Variants in LRRTM4 observed in about 807,000 individuals in gnomAD.
LRRTM4 encodes leucine-rich repeat transmembrane neuronal protein 4.
In LRRTM4, 25 loss-of-function variants were observed where a neutral mutation model predicts 47.6. The observed-to-expected ratio is 0.53, with a 90% CI of 0.38 to 0.73. The LOEUF (loss-of-function observed/expected upper bound fraction) is 0.73, where lower values mean the gene tolerates loss of function less well. Ranked by LOEUF, LRRTM4 falls within the 30% of genes least tolerant of loss-of-function variation. LRRTM4 has a pLI of 0.00. For missense variants in LRRTM4, 638 were observed against 713.4 expected, an observed-to-expected ratio of 0.89 and a Z score of 1.20; for synonymous variants, 311 against 269.5, an observed-to-expected ratio of 1.15 and a Z score of -1.51.
intron 3 of LRRTM4, among the ~76,000 whole-genome samples, chr2:76,863,576 G>A (rs1000337331): frequency 6.6e-6 from 1 of 152,064 alleles, no homozygotes; most frequent in Non-Finnish European, 1.5e-5. Flanking sequence ...CATCAAATGT[G>A]ACATGATTTC....
chr2:76,895,419 C>T (rs1214655061), intron 3 of LRRTM4, among the ~76,000 whole-genome samples: 1 of 152,024 alleles, frequency 6.6e-6, no homozygotes, highest in Non-Finnish European at 1.5e-5. Flanking sequence ...ATCAAGCTCA[C>T]AAATGTTGTC....
chr2:77,268,366 C>T (rs1379387608), intron 3 of LRRTM4, among the ~76,000 whole-genome samples: 3 of 151,990 alleles, frequency 2.0e-5, no homozygotes, highest in Non-Finnish European at 4.4e-5. Flanking sequence ...TTTGGCCCTT[C>T]CCTCTTCATT....
Position 77,471,564 on chromosome 2 carries a change from C to T in LRRTM4, c.1551+46754G>A, listed in dbSNP as rs529217104. Among the ~76,000 whole-genome samples the T allele has an allele frequency of 2.2e-4, 33 of 152,234 alleles. No homozygotes were observed. In the Middle Eastern group the frequency reaches 0.01, roughly 47 times the overall value. ...TCTGCCCTCTTGCAACCTCTCTGATCCTCTCTCCTCCACTTTAGCCATGTG... is the reference window on the plus strand; with the variant it reads ...TCTGCCCTCTTGCAACCTCTCTGATTCTCTCTCCTCCACTTTAGCCATGTG... On this transcript the variant is annotated intron_variant, in intron 3 of 3. Coordinates refer to ENST00000409884, the MANE Select transcript of LRRTM4 (RefSeq NM_001134745.3).
chr2:77,290,420 T>C (rs1400161067), intron 3 of LRRTM4, among the ~76,000 whole-genome samples: 1 of 151,612 alleles, frequency 6.6e-6, no homozygotes, highest in Non-Finnish European at 1.5e-5. Context: ...GAGGGGAGCA[T>C]AAAGAGGAGA....
chr2:77,126,886 C>A (rs1671664960), intron 3 of LRRTM4, among the ~76,000 whole-genome samples: 1 of 152,128 alleles, frequency 6.6e-6, no homozygotes, highest in African/African-American at 2.4e-5. Flanking sequence ...ATTTACCCAC[C>A]ATTATTTTTT....
chr2:77,241,056 A>G (rs1373057111), intron 3 of LRRTM4, among the ~76,000 whole-genome samples: 1 of 152,048 alleles, frequency 6.6e-6, no homozygotes, highest in African/African-American at 2.4e-5. Context: ...TGAGAAGATG[A>G]TTCTAAATTT....
chr2:77,354,531 C>T (rs1350278145), intron 3 of LRRTM4, among the ~76,000 whole-genome samples: 2 of 151,986 alleles, frequency 1.3e-5, no homozygotes, highest in African/African-American at 4.8e-5. Context: ...CAGAAGCAAA[C>T]CTTGAAACCA....
At chr2:77,106,322 G>GT (rs1379511443) in intron 3 of LRRTM4, among the ~76,000 whole-genome samples, 1 of 152,110 alleles carries the variant, frequency 6.6e-6, no homozygotes, top group East Asian at 1.9e-4. Context: ...AGTGTGTCCT[G>GT]TTTATGTTAC....
At chr2:77,138,943 T>A (rs1377823019) in intron 3 of LRRTM4, among the ~76,000 whole-genome samples, 1 of 152,144 alleles carries the variant, frequency 6.6e-6, no homozygotes, top group Non-Finnish European at 1.5e-5. Context: ...AATCCTTGAA[T>A]AGACCAATAA....
chr2:76,937,116 TAC>T (rs1156917955), intron 3 of LRRTM4, among the ~76,000 whole-genome samples: 2 of 151,816 alleles, frequency 1.3e-5, no homozygotes, highest in African/African-American at 2.4e-5. Flanking sequence ...TAGAAAAAAC[TAC>T]AGTCTTGGTG....
At chr2:77,231,619 A>G (rs978855890) in intron 3 of LRRTM4, among the ~76,000 whole-genome samples, 1 of 152,144 alleles carries the variant, frequency 6.6e-6, no homozygotes, top group Non-Finnish European at 1.5e-5. Context: ...ATGTTAACCT[A>G]TATAGAGGAG....
At chr2:77,068,547 A>T (rs1008710908) in intron 3 of LRRTM4, among the ~76,000 whole-genome samples, 6 of 152,214 alleles carry the variant, frequency 3.9e-5, no homozygotes, top group Non-Finnish European at 8.8e-5. Flanking sequence ...ATATAACTGA[A>T]TTTATACAAT....
chr2:77,155,517 A>T (rs956577569), intron 3 of LRRTM4, among the ~76,000 whole-genome samples: 2 of 151,806 alleles, frequency 1.3e-5, no homozygotes, highest in Admixed American at 6.6e-5. Context: ...ATAAATCAAG[A>T]TTGCAAATTC....
chr2:77,280,321 A>C lies in LRRTM4; in HGVS notation c.1551+237997T>G, dbSNP rs73943820. Among the ~76,000 whole-genome samples, 468 of 152,120 alleles carry C rather than the reference A, an allele frequency of 3.1e-3. 2 individuals are homozygous for C. Among genetic ancestry groups the C allele is most frequent in the African/African-American group, 0.011 (444 of 41,548 alleles). On this transcript the variant is annotated intron_variant, in intron 3 of 3. Transcript: ENST00000409884. ...CTTACTCACAACTTGATTTTAGCCT[A>C]GTGGGATCTGAGTTTGACTTCAAAA...
chr2:77,443,460 C>T (rs77655071), intron 3 of LRRTM4, among the ~76,000 whole-genome samples: 7,167 of 152,148 alleles, frequency 0.047, 535 homozygotes, highest in African/African-American at 0.16. Context: ...CACGGATAGG[C>T]TGTACACATT....
chr2:77,260,363 TA>T (rs1675885708), intron 3 of LRRTM4, among the ~76,000 whole-genome samples: 2 of 142,500 alleles, frequency 1.4e-5, no homozygotes, highest in Non-Finnish European at 3.0e-5. Flanking sequence ...TTGGAAGTAC[TA>T]CCAAAAAATC....
chr2:77,441,242 T>C (rs1320154344), intron 3 of LRRTM4, among the ~76,000 whole-genome samples: 2 of 152,196 alleles, frequency 1.3e-5, no homozygotes, highest in Non-Finnish European at 2.9e-5. Flanking sequence ...GAGCAAAGAC[T>C]GCTTTTTAAA....
At chr2:77,491,692 A>G (rs1678168990) in intron 3 of LRRTM4, among the ~76,000 whole-genome samples, 1 of 151,948 alleles carries the variant, frequency 6.6e-6, no homozygotes, top group Non-Finnish European at 1.5e-5. Flanking sequence ...CATTATACCT[A>G]TAAATAACCA....
intron 3 of LRRTM4, among the ~76,000 whole-genome samples, chr2:77,025,913 G>A (rs947584064): frequency 6.6e-5 from 10 of 152,226 alleles, no homozygotes; most frequent in Middle Eastern, 3.4e-3. Flanking sequence ...GTCAATGACC[G>A]CTCCTCAAAA....
Sources: gnomAD v4.1 joint callset for allele counts (sites outside exome capture counted in the v4.1 genomes callset) on GRCh38, gnomAD v4.1.1 for gene constraint, MANE v1.5 for transcripts, NCBI Gene and HGNC (gene_info 2026-07-23, HGNC 2026-07-21) for gene names.